The following HHAT variants were observed in gnomAD, a reference collection of about 807,000 sequenced individuals.
The protein encoded by HHAT is hedgehog acyltransferase, also known as protein-cysteine N-palmitoyltransferase HHAT.
A neutral mutation model predicts 70.8 loss-of-function variants in HHAT; 47 were observed. That is an observed-to-expected ratio of 0.66 (90% CI 0.53 to 0.85). The LOEUF (loss-of-function observed/expected upper bound fraction) is 0.85, where lower values mean the gene tolerates loss of function less well. Ranked by LOEUF, HHAT falls within the 40% of genes least tolerant of loss-of-function variation. HHAT has a pLI of 0.00. For missense variants in HHAT, 609 were observed against 604.8 expected (o/e 1.01, Z -0.07); for synonymous variants, 228 against 247.6 (o/e 0.92, Z 0.74).
intron 10 of HHAT, among the ~76,000 whole-genome samples, chr1:210,606,769 T>G (rs1241694318): frequency 1.3e-5 from 2 of 152,222 alleles, no homozygotes; most frequent in Non-Finnish European, 2.9e-5. Flanking sequence ...TGTCTTATTT[T>G]TACTCTCACA....
At chr1:210,480,255 C>A (rs1262496263) in intron 8 of HHAT, among the ~76,000 whole-genome samples, 1 of 152,152 alleles carries the variant, frequency 6.6e-6, no homozygotes, top group Non-Finnish European at 1.5e-5. Context: ...GAGACCTCAC[C>A]TCCGTATTGA....
intron 11 of HHAT, among the ~76,000 whole-genome samples, chr1:210,630,130 C>T (rs188485519): frequency 4.6e-5 from 7 of 152,288 alleles, no homozygotes; most frequent in Admixed American, 3.9e-4. Context: ...CGTGAGCCAC[C>T]GCACCTGGCC....
At chr1:210,566,176 G>C (rs530593786) in intron 9 of HHAT, among the ~76,000 whole-genome samples, 2 of 152,298 alleles carry the variant, frequency 1.3e-5, no homozygotes, top group South Asian at 2.1e-4. Flanking sequence ...ATTAGCAAAC[G>C]AAATAGGGTG....
chr1:210,454,553 C>CA (rs762047529), intron 7 of HHAT, among the ~76,000 whole-genome samples: 3 of 151,876 alleles, frequency 2.0e-5, no homozygotes, highest in East Asian at 1.9e-4. Context: ...GACTTTGTCT[C>CA]AAAAAAAAGC....
chr1:210,467,438 T>C (rs1380292713), intron 8 of HHAT, among the ~76,000 whole-genome samples: 1 of 152,256 alleles, frequency 6.6e-6, no homozygotes, highest in Non-Finnish European at 1.5e-5. Context: ...AACTTTTCTC[T>C]TTAAGAATGC....
chr1:210,432,550 G>A (rs927633863), intron 7 of HHAT, among the ~76,000 whole-genome samples: 6 of 151,958 alleles, frequency 3.9e-5, no homozygotes, highest in African/African-American at 1.5e-4. Context: ...ATAAATCAAA[G>A]GTGAAAAAAT....
chr1:210,608,330 G>T (rs1286726081), intron 10 of HHAT, among the ~76,000 whole-genome samples: 1 of 152,136 alleles, frequency 6.6e-6, no homozygotes, highest in Non-Finnish European at 1.5e-5. Context: ...AATACTCTGT[G>T]CTTTCCTCAG....
In HHAT at chr1:210,473,483, C is replaced by T. The variant is rs12566135; in HGVS notation, c.1007+8828C>T. 0.015 allele frequency among the ~76,000 whole-genome samples: 2,297 copies of T among 151,854 alleles called. 205 individuals are homozygous for T. The East Asian group carries it at 0.27, about 18-fold the overall frequency. ...GAGTTTTGTTTTCAGTTTACAGCAC[C>T]GAGGGGGACGGGATGGGGAGAAAGG... On this transcript the variant is annotated intron_variant, in intron 8 of 11. Transcript: ENST00000261458.
intron 11 of HHAT, among the ~76,000 whole-genome samples, chr1:210,672,398 G>A (rs531016108): frequency 2.6e-4 from 39 of 152,302 alleles, no homozygotes; most frequent in South Asian, 4.1e-4. Flanking sequence ...CATGATCCCC[G>A]TTCCTTGGAT....
intron 4 of HHAT, 144 bp from the exon 5 acceptor site, chr1:210,400,324 A>G: frequency 2.7e-6 from 2 of 732,480 alleles, no homozygotes; most frequent in East Asian, 2.8e-5. Flanking sequence ...CAGGGCAGTG[A>G]TAAGAGTTTC....
intron 10 of HHAT, among the ~76,000 whole-genome samples, chr1:210,623,126 C>T (rs996153083): frequency 6.6e-6 from 1 of 152,202 alleles, no homozygotes; most frequent in Non-Finnish European, 1.5e-5. Flanking sequence ...ACTTGGAGTC[C>T]TGTGGTGTGA....
chr1:210,404,578 G>A lies in HHAT; in HGVS notation c.583G>A (p.Ala195Thr). The A allele has an allele frequency of 6.2e-7, 1 of 1,614,060 alleles. No homozygotes were observed. The highest frequency in any genetic ancestry group is 1.1e-5 in the South Asian group (1 of 91,078). Residue 195 changes from alanine (A) to threonine (T), a missense_variant, in exon 6 of 12, where the codon GCA becomes ACA. Physicochemically the swap from Ala to Thr is moderately conservative, Grantham distance 58. Coordinates refer to ENST00000261458, the MANE Select transcript of HHAT (RefSeq NM_018194.6). ...LELCWQQLPA[A>T]STSYSFPWML... ...GCTCTGCTGGCAGCAGCTGCCTGCTGCATCGACCTCCTACTCCTTTCCCTG... is the reference window on the plus strand; with the variant it reads ...GCTCTGCTGGCAGCAGCTGCCTGCTACATCGACCTCCTACTCCTTTCCCTG...
At position 210,576,222 on chromosome 1, in the gene HHAT, T is replaced by C. The variant is rs139645405; in HGVS notation, c.1044-11676T>C. ...GTTCAGTGTTCTTGGTGTCTTCAAA[T>C]GCTGATGAAAGATATAGGAATGCTA... On this transcript the variant is annotated intron_variant, in intron 9 of 11. Coordinates refer to ENST00000261458, the MANE Select transcript of HHAT (RefSeq NM_018194.6). Among the ~76,000 whole-genome samples, 587 of 152,256 alleles carry C rather than the reference T, an allele frequency of 3.9e-3. 8 individuals are homozygous for C. Among genetic ancestry groups the C allele is most frequent in the African/African-American group, 0.013 (552 of 41,558 alleles).
intron 11 of HHAT, among the ~76,000 whole-genome samples, chr1:210,664,338 C>T (rs1454435315): frequency 2.6e-5 from 4 of 152,204 alleles, no homozygotes; most frequent in South Asian, 4.1e-4. Flanking sequence ...GCCAAGCCAC[C>T]TTATCGTTTC....
At chr1:210,391,028 G>C (rs2091425854) in intron 4 of HHAT, among the ~76,000 whole-genome samples, 1 of 152,180 alleles carries the variant, frequency 6.6e-6, no homozygotes, top group Non-Finnish European at 1.5e-5. Flanking sequence ...TAGTGGGATT[G>C]CTGGATCAAA....
intron 6 of HHAT, among the ~76,000 whole-genome samples, chr1:210,411,844 T>C (rs988836506): frequency 2.6e-5 from 4 of 152,192 alleles, no homozygotes; most frequent in African/African-American, 7.2e-5. Flanking sequence ...TGCCTCTACA[T>C]GTCTTAACCT....
At chr1:210,540,463 A>G (rs200365174) in intron 9 of HHAT, among the ~76,000 whole-genome samples, 1 of 132,274 alleles carries the variant, frequency 7.6e-6, no homozygotes. Context: ...ACACACACAC[A>G]CACACACGCA....
rs2148144435 is a variant in HHAT, at chr1:210,387,731, A to C, written c.273+150A>C. On this transcript the variant is annotated intron_variant, in intron 4 of 11. Coordinates refer to ENST00000261458, the MANE Select transcript of HHAT (RefSeq NM_018194.6). Reference sequence around the variant, plus strand: ...TTGTTAACAATCAATATAACATTTAAGATAAAAGTTCATAGTTCATATCCT... The same window carrying C: ...TTGTTAACAATCAATATAACATTTACGATAAAAGTTCATAGTTCATATCCT... 6.5e-6 allele frequency: 4 copies of C among 619,600 alleles called. No individual in the cohort carries two copies. In the East Asian group the frequency reaches 1.1e-4, roughly 17 times the overall value. The allele number at this position is 619,600 out of a possible 1,614,324, so 38.4% of individuals were successfully genotyped here.
In HHAT at chr1:210,415,599, A is replaced by G. The variant is rs183251986; in HGVS notation, c.685-2555A>G. Among the ~76,000 whole-genome samples, 36 of 152,302 alleles carry G rather than the reference A, an allele frequency of 2.4e-4. No homozygotes were observed. In the East Asian group the frequency reaches 5.2e-3, roughly 22 times the overall value. On this transcript the variant is annotated intron_variant, in intron 6 of 11. Transcript: ENST00000261458. ...GTGCAGATTGGTATGGCTGCATAAA[A>G]TATCTTCCTGAAGTGACCTGAGGGA...
Sources: gnomAD v4.1 joint callset for allele counts (sites outside exome capture counted in the v4.1 genomes callset) on GRCh38, gnomAD v4.1.1 for gene constraint, MANE v1.5 for transcripts, NCBI Gene and HGNC (gene_info 2026-07-23, HGNC 2026-07-21) for gene names.